The following CDH23 variants were observed in gnomAD, a reference collection of about 807,000 sequenced individuals.
CDH23 encodes cadherin-23.
CDH23 carries 189 observed loss-of-function variants against 317.1 expected under a neutral mutation model. The observed-to-expected ratio is 0.60, with a 90% CI of 0.53 to 0.67. CDH23 has a LOEUF of 0.67. CDH23 is among the 30% of genes least tolerant of loss of function. The pLI is 0.00. For synonymous variants in CDH23, 1,839 were observed against 1,876.8 expected (o/e 0.98, Z 0.52); for missense variants, 4,401 against 4,592.4 (o/e 0.96, Z 1.20).
At chr10:71,699,238 C>A (rs558202349) in intron 22 of CDH23, among the ~76,000 whole-genome samples, 1 of 152,342 alleles carries the variant, frequency 6.6e-6, no homozygotes, top group South Asian at 2.1e-4. Context: ...GAATATCTTA[C>A]CTTTCCTTTC....
At chr10:71,468,999 C>T (rs73283766) in intron 3 of CDH23, among the ~76,000 whole-genome samples, 2 of 152,364 alleles carry the variant, frequency 1.3e-5, no homozygotes, top group African/African-American at 4.8e-5. Context: ...AGCTCCCTTT[C>T]CCTCCAAGAG....
chr10:71,812,707 C>A, intron 67 of CDH23, 61 bp from the exon 68 acceptor site: 1 of 1,612,090 alleles, frequency 6.2e-7, no homozygotes, highest in Non-Finnish European at 8.5e-7. Context: ...AGGGGTGGCC[C>A]CCTCCCTTGT....
intron 11 of CDH23, among the ~76,000 whole-genome samples, chr10:71,630,057 T>C (rs1055993326): frequency 1.3e-5 from 2 of 152,218 alleles, no homozygotes; most frequent in African/African-American, 2.4e-5. Context: ...CGTATCACTC[T>C]GTCACTCAGG....
chr10:71,707,971 C>A (rs1865851079), intron 26 of CDH23, among the ~76,000 whole-genome samples: 1 of 152,152 alleles, frequency 6.6e-6, no homozygotes, highest in Non-Finnish European at 1.5e-5. Context: ...TCCCTCACCT[C>A]CCTGAAGGGG....
chr10:71,635,021 T>A (rs931661193), intron 11 of CDH23, among the ~76,000 whole-genome samples: 2 of 152,192 alleles, frequency 1.3e-5, no homozygotes, highest in African/African-American at 2.4e-5. Flanking sequence ...ATGAACCATG[T>A]GACATGGGCT....
At chr10:71,645,780 C>T (rs763867901) in intron 12 of CDH23, 51 bp from the exon 13 acceptor site, 43 of 1,599,736 alleles carry the variant, frequency 2.7e-5, no homozygotes, top group Non-Finnish European at 3.4e-5. Context: ...TGGGTCTAGG[C>T]TTTGGCCACT....
In CDH23 at chr10:71,595,900, A is replaced by T. The variant is rs143312455; in HGVS notation, c.832+17908A>T. 1.3e-3 allele frequency among the ~76,000 whole-genome samples: 200 copies of T among 152,082 alleles called. 2 individuals carry two copies. The highest frequency in any genetic ancestry group is 4.5e-3 in the African/African-American group (187 of 41,490). On this transcript the variant is annotated intron_variant, in intron 9 of 69. Transcript: ENST00000224721. Reference sequence around the variant, plus strand: ...TTTCAAGCCCAGAGGTGACCACGTGACTCCAATGTCCCTCCTGTGAAATCC... The same window carrying T: ...TTTCAAGCCCAGAGGTGACCACGTGTCTCCAATGTCCCTCCTGTGAAATCC...
intron 49 of CDH23, among the ~76,000 whole-genome samples, chr10:71,797,716 C>G (rs762395770): frequency 6.6e-6 from 1 of 152,132 alleles, no homozygotes; most frequent in South Asian, 2.1e-4. Flanking sequence ...ACGGAGGGGC[C>G]CAGTGTTACC....
chr10:71,643,908 G>A (rs1044254031), intron 12 of CDH23, 42 bp downstream of exon 12: 1 of 765,906 alleles, frequency 1.3e-6, no homozygotes, highest in Non-Finnish European at 2.4e-6. Flanking sequence ...CTTGGGGAGG[G>A]CTTGTGGTGG....
In CDH23 at chr10:71,802,916, G is replaced by C. The variant is rs397517352; in HGVS notation, c.7501G>C (p.Asp2501His). 6.2e-7 allele frequency: 1 copy of C among 1,613,988 alleles called. No homozygotes were observed. Among genetic ancestry groups the C allele is most frequent in the Non-Finnish European group, 8.5e-7 (1 of 1,179,878 alleles). Residue 2501 changes from aspartate to histidine, a missense_variant, in exon 54 of 70, where the codon GAT becomes CAT. Coordinates refer to ENST00000224721, the MANE Select transcript of CDH23 (RefSeq NM_022124.6). ...CACCCAGGTGGTGATCCAAGTGCTG[G>C]ATGTCAATGACTGCCGGCCACAGTT... ...NSVQVVIQVL[D>H]VNDCRPQFSK...
chr10:71,702,401 C>A, intron 23 of CDH23, 148 bp from the exon 24 acceptor site: 1 of 1,147,306 alleles, frequency 8.7e-7, no homozygotes, highest in Non-Finnish European at 1.3e-6. Context: ...GGGAGGGGAG[C>A]TGTGAGGCCT....
rs1035976844 is a variant in CDH23, at chr10:71,725,034, C to A, written c.3431-338C>A. On this transcript the variant is annotated intron_variant, in intron 29 of 69. Coordinates refer to ENST00000224721, the MANE Select transcript of CDH23 (RefSeq NM_022124.6). Reference sequence around the variant, plus strand: ...AGGTTCTTCTGAAATATTAAAAAGGCCTCACACTACCCACATCTGTGGGTG... The same window carrying A: ...AGGTTCTTCTGAAATATTAAAAAGGACTCACACTACCCACATCTGTGGGTG... Among the ~76,000 whole-genome samples the A allele has an allele frequency of 9.9e-5, 15 of 152,204 alleles. No homozygotes were observed. The East Asian group carries it at 2.5e-3, about 25-fold the overall frequency.
chr10:71,742,084 C>A lies in CDH23; in HGVS notation c.4845+163C>A, dbSNP rs1839752203. The A allele has an allele frequency of 7.4e-6, 5 of 671,590 alleles. No homozygotes were observed. The East Asian group carries it at 1.4e-4, about 18-fold the overall frequency. The allele number at this position is 671,590 out of a possible 1,614,324, so 41.6% of individuals were successfully genotyped here. ...TTAGTCCATCTGCCCAAGATGGCCT[C>A]CCCTTACGGAGGCCTGTTGCGTGCA... On this transcript the variant is annotated intron_variant, in intron 38 of 69. Coordinates refer to ENST00000224721, the MANE Select transcript of CDH23 (RefSeq NM_022124.6).
At chr10:71,568,481 G>A (rs189348942) in intron 7 of CDH23, among the ~76,000 whole-genome samples, 103 of 152,324 alleles carry the variant, frequency 6.8e-4, no homozygotes, top group African/African-American at 2.2e-3. Flanking sequence ...TCTGGGTGGC[G>A]GGGCCTATCA....
At chr10:71,654,745 G>A (rs7087795) in intron 14 of CDH23, among the ~76,000 whole-genome samples, 54,844 of 152,014 alleles carry the variant, frequency 0.36, 10,068 homozygotes, top group Middle Eastern at 0.42. Flanking sequence ...GCCTCCCCAC[G>A]TGTCCGGACA....
chr10:71,606,317 T>C (rs890740426), intron 9 of CDH23, among the ~76,000 whole-genome samples: 1 of 152,218 alleles, frequency 6.6e-6, no homozygotes, highest in African/African-American at 2.4e-5. Flanking sequence ...TAATAACTAA[T>C]TAACTGAGAT....
chr10:71,594,890 A>C (rs1859737835), intron 9 of CDH23, among the ~76,000 whole-genome samples: 2 of 152,358 alleles, frequency 1.3e-5, no homozygotes, highest in Admixed American at 1.3e-4. Context: ...GTTCAAATTC[A>C]TAGACATATA....
At position 71,741,835 on chromosome 10, in the gene CDH23, A is replaced by C. The variant is rs1477365680; in HGVS notation, c.4759A>C (p.Thr1587Pro). The C allele has an allele frequency of 1.2e-6, 2 of 1,611,178 alleles. No homozygotes were observed. Among genetic ancestry groups the C allele is most frequent in the Non-Finnish European group, 1.7e-6 (2 of 1,178,828 alleles). The change falls in exon 38 of 70, where the codon ACA becomes CCA. Residue 1587 changes from threonine (T) to proline (P), a missense_variant. Thr to Pro is a conservative substitution (Grantham distance 38). Coordinates refer to ENST00000224721, the MANE Select transcript of CDH23 (RefSeq NM_022124.6). The stretch of plus-strand genomic sequence containing the variant: ...GGACCGCATCAGCGGTGAGATCGCC[A>C]CACGGCCTGCCCCGCCTGACCGCGA... ...RMDRISGEIATRPAPPDRERQ... is the reference protein window; with the variant it reads ...RMDRISGEIAPRPAPPDRERQ...
Position 71,803,339 on chromosome 10 carries a change from C to T in CDH23, c.7791C>T (p.Leu2597=), listed in dbSNP as rs2132978559. The change falls in exon 55 of 70, where the codon CTC becomes CTT. Residue 2597 remains leucine (L), a synonymous_variant. Transcript: ENST00000224721. ...GEPPLWGTTM[L]LVEVIDVNDN... ...CCCCACTCTGGGGCACCACCATGCT[C>T]CTGGTGGAGGTCATCGACGTCAATG... 2 of 1,597,156 alleles carry T rather than the reference C, an allele frequency of 1.3e-6. No individual in the cohort carries two copies.
Sources: gnomAD v4.1 joint callset for allele counts (sites outside exome capture counted in the v4.1 genomes callset) on GRCh38, gnomAD v4.1.1 for gene constraint, MANE v1.5 for transcripts, NCBI Gene and HGNC (gene_info 2026-07-23, HGNC 2026-07-21) for gene names.